SCHIP1: variants seen among roughly 807,000 people sequenced by gnomAD.
SCHIP1 encodes the protein schwannomin interacting protein 1.
Under a neutral mutation model 29.7 loss-of-function variants are expected in SCHIP1, and 8 were observed. That is an observed-to-expected ratio of 0.27 (90% CI 0.16 to 0.49). SCHIP1 has a LOEUF of 0.49. Ranked by LOEUF, SCHIP1 falls within the 20% of genes least tolerant of loss-of-function variation. The pLI is 0.99. For missense variants in SCHIP1, 193 were observed against 294.6 expected, an observed-to-expected ratio of 0.66 and a Z score of 2.52; for synonymous variants, 76 against 94.9, an observed-to-expected ratio of 0.80 and a Z score of 1.16.
chr3:159,634,840 A>G, the SCHIP1 span, among the ~76,000 whole-genome samples: 3 of 152,292 alleles, frequency 2.0e-5, no homozygotes, highest in South Asian at 4.1e-4. Flanking sequence ...TTTTGCAGCA[A>G]CTGTCATCAT....
At chr3:159,590,143 A>T in the SCHIP1 span, among the ~76,000 whole-genome samples, 3 of 152,102 alleles carry the variant, frequency 2.0e-5, no homozygotes, top group African/African-American at 7.2e-5. Context: ...GAGGGTGGGC[A>T]GATACATGAC....
chr3:159,546,692 G>A, the SCHIP1 span, among the ~76,000 whole-genome samples: 1 of 152,070 alleles, frequency 6.6e-6, no homozygotes, highest in Non-Finnish European at 1.5e-5. Context: ...CTGTTCCTGT[G>A]TTAATTTGCT....
At chr3:159,682,348 T>TA in the SCHIP1 span, among the ~76,000 whole-genome samples, 1 of 152,150 alleles carries the variant, frequency 6.6e-6, no homozygotes, top group Non-Finnish European at 1.5e-5. Flanking sequence ...CAATTGAGCA[T>TA]AAAATGACTC....
chr3:159,544,189 G>A, the SCHIP1 span, among the ~76,000 whole-genome samples: 42 of 151,868 alleles, frequency 2.8e-4, no homozygotes, highest in African/African-American at 9.2e-4. Context: ...TATAAAATAC[G>A]TGTGTATGTG....
At chr3:159,413,897 G>A in the SCHIP1 span, among the ~76,000 whole-genome samples, 2 of 152,142 alleles carry the variant, frequency 1.3e-5, no homozygotes, top group African/African-American at 2.4e-5. Context: ...CAAATCAAAA[G>A]TTTAAACACA....
chr3:159,560,161 C>A, the SCHIP1 span, among the ~76,000 whole-genome samples: 1 of 152,180 alleles, frequency 6.6e-6, no homozygotes, highest in Non-Finnish European at 1.5e-5. Context: ...TACTAACAAG[C>A]TCTTTTCGGC....
chr3:159,379,803 T>A, the SCHIP1 span, among the ~76,000 whole-genome samples: 1 of 152,090 alleles, frequency 6.6e-6, no homozygotes, highest in Non-Finnish European at 1.5e-5. Flanking sequence ...AGAAGGTCAG[T>A]GCCTTCAACT....
the SCHIP1 span, among the ~76,000 whole-genome samples, chr3:159,377,396 G>A: frequency 6.6e-6 from 1 of 152,136 alleles, no homozygotes; most frequent in Non-Finnish European, 1.5e-5. Flanking sequence ...CTCCAGTGGA[G>A]GACTGGATCT....
the SCHIP1 span, chr3:159,764,060 A>G: frequency 6.0e-6 from 1 of 166,478 alleles, no homozygotes; most frequent in Non-Finnish European, 1.3e-5. This position sits in a 1 kb window ranked among gnomAD's most constrained non-coding sequence, Gnocchi z 6.1. Context: ...CCCCCAGGGA[A>G]TTATAATTTC....
the SCHIP1 span, among the ~76,000 whole-genome samples, chr3:159,371,513 T>A: frequency 6.6e-6 from 1 of 152,262 alleles, no homozygotes; most frequent in South Asian, 2.1e-4. Context: ...AGGGGTCATG[T>A]ATAAGGGCAT....
intron 5 of SCHIP1, among the ~76,000 whole-genome samples, chr3:159,889,881 G>C (rs1577500235): frequency 6.6e-6 from 1 of 152,150 alleles, no homozygotes; most frequent in Non-Finnish European, 1.5e-5. Context: ...CAGATCACGA[G>C]GTCAGGAGAT....
At chr3:159,857,482 T>C (rs1560085155) in intron 1 of SCHIP1, among the ~76,000 whole-genome samples, 1 of 152,150 alleles carries the variant, frequency 6.6e-6, no homozygotes, top group African/African-American at 2.4e-5. Context: ...CTTTTTAAAG[T>C]GTACACTTTG....
the SCHIP1 span, among the ~76,000 whole-genome samples, chr3:159,442,329 C>G: frequency 2.0e-5 from 3 of 152,144 alleles, no homozygotes; most frequent in African/African-American, 7.2e-5. Flanking sequence ...AGAGGAATAT[C>G]AGGAATGGTC....
At chr3:159,870,235 T>C (rs1269616891) in intron 2 of SCHIP1, among the ~76,000 whole-genome samples, 1 of 151,992 alleles carries the variant, frequency 6.6e-6, no homozygotes, top group African/African-American at 2.4e-5. Context: ...TCTTATTGGA[T>C]TGGCTAGGTA....
chr3:159,689,862 G>A, the SCHIP1 span, among the ~76,000 whole-genome samples: 2 of 152,120 alleles, frequency 1.3e-5, no homozygotes, highest in East Asian at 3.8e-4. Context: ...TAATCATGTG[G>A]TTTTTGTCTT....
the SCHIP1 span, among the ~76,000 whole-genome samples, chr3:159,791,172 G>A: frequency 6.6e-6 from 1 of 152,196 alleles, no homozygotes; most frequent in African/African-American, 2.4e-5. Flanking sequence ...ACCACTCAGT[G>A]CAGGGAGGTG....
At chr3:159,336,971 A>G in the SCHIP1 span, among the ~76,000 whole-genome samples, 1 of 152,226 alleles carries the variant, frequency 6.6e-6, no homozygotes, top group Non-Finnish European at 1.5e-5. Context: ...CTTTATACCC[A>G]TGAGCATGGA....
chr3:159,860,729 C>T (rs1239733990), intron 1 of SCHIP1, among the ~76,000 whole-genome samples: 1 of 152,232 alleles, frequency 6.6e-6, no homozygotes, highest in African/African-American at 2.4e-5. Flanking sequence ...TTCTCCCACT[C>T]CTTCCCACAA....
chr3:159,379,083 A>T, the SCHIP1 span, among the ~76,000 whole-genome samples: 1 of 152,218 alleles, frequency 6.6e-6, no homozygotes, highest in Admixed American at 6.5e-5. Context: ...AGGGACAATA[A>T]ATCAAAACCT....
Sources: allele counts gnomAD v4.1 joint callset (sites outside exome capture counted in the v4.1 genomes callset), GRCh38; gene constraint gnomAD v4.1.1; non-coding constraint Gnocchi (gnomAD v3.1); transcripts MANE v1.5; gene names NCBI Gene and HGNC (gene_info 2026-07-23, HGNC 2026-07-21).